Variants in RAD50 observed in about 807,000 individuals in gnomAD.
The protein encoded by RAD50 is DNA repair protein RAD50.
In RAD50, 132 loss-of-function variants were observed where a neutral mutation model predicts 168.8. That is an observed-to-expected ratio of 0.78 (90% CI 0.68 to 0.90). RAD50 has a LOEUF of 0.90. Ranked by LOEUF, RAD50 falls within the 40% of genes least tolerant of loss-of-function variation. The pLI is 0.00. For missense variants in RAD50, 1,347 were observed against 1,534.4 expected (o/e 0.88, Z 2.04); for synonymous variants, 525 against 497.4 (o/e 1.06, Z -0.74).
At chr5:132,619,871 G>GATAT (rs1265698606) in intron 21 of RAD50, among the ~76,000 whole-genome samples, 2 of 84,918 alleles carry the variant, frequency 2.4e-5, no homozygotes, top group African/African-American at 8.5e-5. Flanking sequence ...TATATATAAA[G>GATAT]ATATATATAT....
Position 132,605,017 on chromosome 5 carries a change from T to G in RAD50, c.2718+18T>G. On this transcript the variant is annotated intron_variant, in intron 16 of 24. Transcript: ENST00000378823. ...AGATAAAGGTAAGAATATCCATACA[T>G]GTTTTTTGTAAAATTATTTTAATTA... is the stretch of plus-strand genomic sequence containing the variant. The G allele has an allele frequency of 1.3e-6, 2 of 1,498,832 alleles. No homozygotes were observed. Among genetic ancestry groups the G allele is most frequent in the Admixed American group, 3.8e-5 (2 of 52,856 alleles). The allele number at this position is 1,498,832 out of a possible 1,614,324, so 92.8% of individuals were successfully genotyped here. A position where few individuals can be genotyped will look rare whatever the true frequency, so the allele number is the denominator to read the frequency against.
chr5:132,606,418 G>T (rs1316697397), intron 16 of RAD50, among the ~76,000 whole-genome samples: 1 of 152,126 alleles, frequency 6.6e-6, no homozygotes, highest in Non-Finnish European at 1.5e-5. Context: ...GTCTAATCCA[G>T]GAAGAAGTCA....
At chr5:132,559,966 A>G (rs969898027) in intron 2 of RAD50, among the ~76,000 whole-genome samples, 2 of 152,042 alleles carry the variant, frequency 1.3e-5, no homozygotes, top group African/African-American at 2.4e-5. Flanking sequence ...TGTTTGAATT[A>G]TGGTGTTTAT....
At chr5:132,577,226 T>C (rs578109684) in intron 3 of RAD50, among the ~76,000 whole-genome samples, 1 of 152,290 alleles carries the variant, frequency 6.6e-6, no homozygotes, top group Non-Finnish European at 1.5e-5. Flanking sequence ...AAGCAAGCAA[T>C]AGTGGGCAGA....
intron 16 of RAD50, 132 bp from the exon 17 acceptor site, chr5:132,608,483 A>C (rs1035829559): frequency 2.7e-5 from 19 of 705,676 alleles, no homozygotes; most frequent in East Asian, 1.4e-4. Flanking sequence ...TCATAGGGTC[A>C]TTGAAAGGAG....
chr5:132,624,927 G>A (rs1751346322), intron 21 of RAD50, among the ~76,000 whole-genome samples: 1 of 150,804 alleles, frequency 6.6e-6, no homozygotes, highest in African/African-American at 2.4e-5. Flanking sequence ...AAGATAAGTT[G>A]GTTGTGATGG....
chr5:132,637,812 G>A (rs536289313), intron 22 of RAD50, among the ~76,000 whole-genome samples: 10 of 152,248 alleles, frequency 6.6e-5, no homozygotes, highest in South Asian at 2.1e-4. Flanking sequence ...GTTTACAGGC[G>A]TGAGCCACCG....
intron 16 of RAD50, among the ~76,000 whole-genome samples, chr5:132,606,446 A>C (rs1406792434): frequency 6.6e-6 from 1 of 152,224 alleles, no homozygotes; most frequent in Non-Finnish European, 1.5e-5. Flanking sequence ...AAATGGACCA[A>C]CAACAAGTTC....
At chr5:132,585,199 G>A (rs1236119962) in intron 5 of RAD50, among the ~76,000 whole-genome samples, 1 of 152,156 alleles carries the variant, frequency 6.6e-6, no homozygotes, top group East Asian at 1.9e-4. Context: ...CGGGTTGCTA[G>A]GTCGTGTGGT....
At chr5:132,570,888 T>A (rs1302402365) in intron 2 of RAD50, among the ~76,000 whole-genome samples, 2 of 152,234 alleles carry the variant, frequency 1.3e-5, no homozygotes, top group Non-Finnish European at 2.9e-5. Context: ...CTAAGCTTAA[T>A]CATTTCTAGT....
At chr5:132,613,575 C>T (rs1272890399) in intron 19 of RAD50, among the ~76,000 whole-genome samples, 1 of 147,428 alleles carries the variant, frequency 6.8e-6, no homozygotes, top group African/African-American at 2.5e-5. Flanking sequence ...ACACTCATTC[C>T]TTTAATCTTC....
chr5:132,560,077 C>CACACACACAT (rs760237977), intron 2 of RAD50, among the ~76,000 whole-genome samples: 5 of 139,392 alleles, frequency 3.6e-5, no homozygotes, highest in African/African-American at 1.3e-4. Context: ...CACACACACA[C>CACACACACAT]ATATATATAT....
intron 21 of RAD50, among the ~76,000 whole-genome samples, chr5:132,628,805 C>T (rs1004711750): frequency 2.0e-5 from 3 of 151,698 alleles, no homozygotes; most frequent in African/African-American, 4.8e-5. Context: ...CAAGATCGTG[C>T]CATTGTACTC....
intron 2 of RAD50, among the ~76,000 whole-genome samples, chr5:132,568,221 C>T (rs868003796): frequency 2.0e-5 from 3 of 151,964 alleles, no homozygotes; most frequent in African/African-American, 2.4e-5. Flanking sequence ...CAGGTGCCCA[C>T]GACCATGCCC....
chr5:132,578,524 CTTTTTTTTTTTT>C (rs903882684), intron 3 of RAD50, among the ~76,000 whole-genome samples: 7 of 84,342 alleles, frequency 8.3e-5, no homozygotes, highest in African/African-American at 3.5e-4. Context: ...TTTTTTCTTT[CTTTTTTTTTTTT>C]TTTTTTTTTT....
rs535590027 is a variant in RAD50 at position 132,568,603 on chromosome 5, C to T, written c.214-7174C>T. On this transcript the variant is annotated intron_variant, in intron 2 of 24. Transcript: ENST00000378823. ...AAAACAGGTGGAGGAAAAAGTAACA[C>T]ATCATGCAGAGGGAAAGAATAATGA... Among the ~76,000 whole-genome samples, 72 of 152,262 alleles carry T rather than the reference C, an allele frequency of 4.7e-4. 1 individual carries two copies. The highest frequency in any genetic ancestry group is 2.5e-4 in the Non-Finnish European group (17 of 68,012).
At chr5:132,591,551 C>A in intron 10 of RAD50, 145 bp downstream of exon 10, 1 of 801,664 alleles carries the variant, frequency 1.2e-6, no homozygotes, top group South Asian at 1.8e-5. Flanking sequence ...ATATAATAGA[C>A]TTTCAAGCTT....
chr5:132,574,587 G>A (rs1011449745), intron 2 of RAD50, among the ~76,000 whole-genome samples: 2 of 152,092 alleles, frequency 1.3e-5, no homozygotes, highest in African/African-American at 4.8e-5. Context: ...GCAAATTTCT[G>A]CAGCTGGCTT....
chr5:132,578,066 G>A (rs1425874606), intron 3 of RAD50, among the ~76,000 whole-genome samples: 1 of 152,070 alleles, frequency 6.6e-6, no homozygotes, highest in Non-Finnish European at 1.5e-5. Flanking sequence ...GCCCACCTCA[G>A]CCTCCCAAAG....
Sources: allele counts gnomAD v4.1 joint callset (sites outside exome capture counted in the v4.1 genomes callset), GRCh38; gene constraint gnomAD v4.1.1; transcripts MANE v1.5; gene names NCBI Gene and HGNC (gene_info 2026-07-23, HGNC 2026-07-21).